Variants in KATNAL1 observed in about 807,000 individuals in gnomAD.
KATNAL1 encodes katanin p60 ATPase-containing subunit A-like 1.
Under a neutral mutation model 55.2 loss-of-function variants are expected in KATNAL1, and 32 were observed. That is an observed-to-expected ratio of 0.58 (90% CI 0.44 to 0.78). The LOEUF (loss-of-function observed/expected upper bound fraction) is 0.78. Among genes scored for constraint, KATNAL1 ranks in the 30% least tolerant of loss-of-function variants. The pLI is 0.00. For synonymous variants in KATNAL1, 193 were observed against 193.6 expected (o/e 1.00, Z 0.02); for missense variants, 466 against 600.9 (o/e 0.78, Z 2.35).
rs1213594305 is a variant in KATNAL1, at chr13:30,204,108, C to T, written c.*4432G>A. 6.6e-6 allele frequency: 1 copy of T among 152,062 alleles called. No homozygotes were observed. The highest frequency in any genetic ancestry group is 1.5e-5 in the Non-Finnish European group (1 of 68,026). 9.4% of individuals were successfully genotyped at this position (152,062 alleles called of 1,614,324 possible). ...CTCAGGTTCACACAAATATTACGTGCATCACAAATTAAGTGGTTTCTTTAA... is the reference window on the plus strand; with the variant it reads ...CTCAGGTTCACACAAATATTACGTGTATCACAAATTAAGTGGTTTCTTTAA... On this transcript the variant is annotated 3_prime_UTR_variant, in exon 11 of 11. Coordinates refer to ENST00000380615, the MANE Select transcript of KATNAL1 (RefSeq NM_032116.5).
At chr13:30,267,551 A>C (rs940411436) in intron 3 of KATNAL1, among the ~76,000 whole-genome samples, 7 of 152,252 alleles carry the variant, frequency 4.6e-5, no homozygotes, top group African/African-American at 1.7e-4. Context: ...AAGAGTCCTC[A>C]ACTCAAATAT....
rs1306390726 is a variant in KATNAL1, at chr13:30,307,382, G to T, written c.-66C>A. 1.3e-5 allele frequency: 2 copies of T among 153,890 alleles called. No homozygotes were observed. The highest frequency in any genetic ancestry group is 2.4e-5 in the African/African-American group (1 of 41,188). The allele number at this position is 153,890 out of a possible 1,614,324, so 9.5% of individuals were successfully genotyped here. ...CAGCGATGCGGTCCAGATGGGGTGC[G>T]GGTGGGGCGCAGGCCGCCGCCGCCG... is the stretch of plus-strand genomic sequence containing the variant. On this transcript the variant is annotated 5_prime_UTR_variant, in exon 1 of 11. Transcript: ENST00000380615.
chr13:30,235,502 C>T (rs1461991248), intron 6 of KATNAL1, among the ~76,000 whole-genome samples: 1 of 152,218 alleles, frequency 6.6e-6, no homozygotes. Flanking sequence ...CCAACACTAC[C>T]ACATCAAGAA....
At chr13:30,258,886 G>A (rs1879004020) in intron 3 of KATNAL1, among the ~76,000 whole-genome samples, 1 of 151,914 alleles carries the variant, frequency 6.6e-6, no homozygotes, top group Non-Finnish European at 1.5e-5. Flanking sequence ...TAATCATTAA[G>A]GATAACTTCT....
intron 1 of KATNAL1, among the ~76,000 whole-genome samples, chr13:30,305,281 C>A (rs1280296730): frequency 4.6e-5 from 7 of 152,246 alleles, no homozygotes; most frequent in African/African-American, 1.7e-4. Context: ...TCATTCAGAA[C>A]TACCTAGCGT....
At chr13:30,250,511 T>A (rs902612649) in intron 4 of KATNAL1, among the ~76,000 whole-genome samples, 5 of 152,212 alleles carry the variant, frequency 3.3e-5, no homozygotes, top group African/African-American at 7.2e-5. Flanking sequence ...TTTGTGCACT[T>A]TTCTTCAGTA....
At chr13:30,219,591 T>A (rs1232348459) in intron 9 of KATNAL1, among the ~76,000 whole-genome samples, 2 of 152,224 alleles carry the variant, frequency 1.3e-5, no homozygotes, top group Admixed American at 1.3e-4. Flanking sequence ...TCCTAACAAA[T>A]GTCTTTCATA....
At chr13:30,266,967 T>C (rs1879824996) in intron 3 of KATNAL1, among the ~76,000 whole-genome samples, 1 of 152,248 alleles carries the variant, frequency 6.6e-6, no homozygotes, top group Non-Finnish European at 1.5e-5. Context: ...GAGTGGATTC[T>C]TGTCAGTGTT....
At chr13:30,289,752 T>C (rs1009323382) in intron 1 of KATNAL1, among the ~76,000 whole-genome samples, 13 of 152,176 alleles carry the variant, frequency 8.5e-5, no homozygotes, top group Admixed American at 4.6e-4. Context: ...GCATTGATAA[T>C]AAAGTAAAAT....
intron 9 of KATNAL1, among the ~76,000 whole-genome samples, chr13:30,223,495 G>A (rs79002300): frequency 0.021 from 3,132 of 148,386 alleles, 46 homozygotes; most frequent in Non-Finnish European, 0.033. Context: ...AGACAGGGTA[G>A]GGTAAAAATT....
chr13:30,263,456 T>C (rs914380030), intron 3 of KATNAL1, among the ~76,000 whole-genome samples: 1 of 151,264 alleles, frequency 6.6e-6, no homozygotes, highest in African/African-American at 2.4e-5. Context: ...GACATGATTG[T>C]ATATCTAGAA....
intron 6 of KATNAL1, among the ~76,000 whole-genome samples, chr13:30,235,812 C>G (rs1876599777): frequency 1.3e-5 from 2 of 151,586 alleles, no homozygotes; most frequent in Admixed American, 1.3e-4. Context: ...ACCAATCCCC[C>G]ACACTGTCAA....
chr13:30,240,172 T>G (rs1041219953), intron 6 of KATNAL1, among the ~76,000 whole-genome samples: 2 of 152,234 alleles, frequency 1.3e-5, no homozygotes, highest in Non-Finnish European at 1.5e-5. Flanking sequence ...TAACTTTTTA[T>G]TTATAGAACC....
rs182726682 is a variant in KATNAL1, at chr13:30,215,940, A to C, written c.1148-5498T>G. On this transcript the variant is annotated intron_variant, in intron 9 of 10. Coordinates refer to ENST00000380615, the MANE Select transcript of KATNAL1 (RefSeq NM_032116.5). Reference sequence around the variant, plus strand: ...TAAAGTATAATAATAATAAAATTTTAAAAAAAAGAAAATTAACTTCTGTTG... The same window carrying C: ...TAAAGTATAATAATAATAAAATTTTCAAAAAAAGAAAATTAACTTCTGTTG... Among the ~76,000 whole-genome samples, 944 of 149,332 alleles carry C rather than the reference A, an allele frequency of 6.3e-3. 6 individuals are homozygous for C. Among genetic ancestry groups the C allele is most frequent in the Non-Finnish European group, 0.01 (711 of 67,974 alleles).
intron 3 of KATNAL1, among the ~76,000 whole-genome samples, chr13:30,265,339 A>G (rs1879666563): frequency 6.6e-6 from 1 of 152,020 alleles, no homozygotes; most frequent in African/African-American, 2.4e-5. Flanking sequence ...TAACCTGCAC[A>G]TTGTGCACAT....
chr13:30,283,797 CATAAA>C lies in KATNAL1; in HGVS notation c.-14-11_-14-7del. On this transcript the variant is annotated splice_polypyrimidine_tract_variant and splice_region_variant and intron_variant, in intron 1 of 10. Transcript: ENST00000380615. ...ATTCATCTTCTTTCAGAGACCTAAA[CATAAA>C]ATATAATGACTTTTTAAAAATTTTC... is the stretch of plus-strand genomic sequence containing the variant. 1 of 1,580,368 alleles carries C rather than the reference CATAAA, an allele frequency of 6.3e-7. No homozygotes were observed. Among genetic ancestry groups the C allele is most frequent in the South Asian group, 1.2e-5 (1 of 85,486 alleles).
At chr13:30,240,712 G>A (rs1216367704) in intron 5 of KATNAL1, 147 bp from the exon 6 acceptor site, 5 of 684,562 alleles carry the variant, frequency 7.3e-6, no homozygotes, top group Admixed American at 6.0e-5. Context: ...AAAGATCAGT[G>A]AAAACATTAG....
intron 6 of KATNAL1, among the ~76,000 whole-genome samples, chr13:30,233,611 A>G (rs846474): frequency 0.61 from 92,771 of 150,890 alleles, 28,779 homozygotes; most frequent in Admixed American, 0.71. Context: ...AAAAAAAAAA[A>G]GAAATCGATA....
intron 1 of KATNAL1, among the ~76,000 whole-genome samples, chr13:30,305,850 T>A (rs1456092507): frequency 2.0e-5 from 3 of 152,230 alleles, no homozygotes; most frequent in Non-Finnish European, 4.4e-5. Context: ...GGCACATAGG[T>A]TCCTAACACA....
Sources: gnomAD v4.1 joint callset for allele counts (sites outside exome capture counted in the v4.1 genomes callset) on GRCh38, gnomAD v4.1.1 for gene constraint, MANE v1.5 for transcripts, NCBI Gene and HGNC (gene_info 2026-07-23, HGNC 2026-07-21) for gene names.